HACE1: variants seen among roughly 807,000 people sequenced by gnomAD.
HACE1 encodes the protein E3 ubiquitin-protein ligase HACE1.
A neutral mutation model predicts 118.4 loss-of-function variants in HACE1; 73 were observed. The observed-to-expected ratio is 0.62, with a 90% CI of 0.51 to 0.75. HACE1 has a LOEUF of 0.75. HACE1 is among the 30% of genes least tolerant of loss of function. The pLI is 0.00. For missense variants in HACE1, 749 were observed against 1,102.2 expected (o/e 0.68, Z 4.54); for synonymous variants, 368 against 374.8 (o/e 0.98, Z 0.21).
chr6:104,817,784 T>G (rs1772274819), intron 6 of HACE1, among the ~76,000 whole-genome samples: 2 of 152,218 alleles, frequency 1.3e-5, no homozygotes, highest in African/African-American at 4.8e-5. Flanking sequence ...TACAGTTCAC[T>G]ACTTGACTGA....
At chr6:104,755,290 G>C (rs7768196) in intron 19 of HACE1, among the ~76,000 whole-genome samples, 26,563 of 152,088 alleles carry the variant, frequency 0.17, 2,483 homozygotes, top group African/African-American at 0.25. Context: ...CAAGTGCTTA[G>C]AGAACTGCAA....
At chr6:104,793,857 TA>T (rs1783332104) in intron 10 of HACE1, among the ~76,000 whole-genome samples, 1 of 152,212 alleles carries the variant, frequency 6.6e-6, no homozygotes, top group African/African-American at 2.4e-5. Context: ...AACAATGAGA[TA>T]TTTACAGGCC....
At chr6:104,806,590 C>T (rs1408646360) in intron 7 of HACE1, among the ~76,000 whole-genome samples, 2 of 152,126 alleles carry the variant, frequency 1.3e-5, no homozygotes, top group Non-Finnish European at 2.9e-5. Flanking sequence ...TCAATTACAA[C>T]GATCCTCTTT....
At chr6:104,851,458 C>A (rs997990518) in intron 2 of HACE1, among the ~76,000 whole-genome samples, 1 of 152,232 alleles carries the variant, frequency 6.6e-6, no homozygotes, top group African/African-American at 2.4e-5. Context: ...GTATGTTAGC[C>A]AGCTCAGTAT....
At chr6:104,803,904 G>A (rs1339228548) in intron 7 of HACE1, among the ~76,000 whole-genome samples, 1 of 152,124 alleles carries the variant, frequency 6.6e-6, no homozygotes, top group Non-Finnish European at 1.5e-5. Context: ...TATTCAATTA[G>A]GAAAAGAGGA....
intron 7 of HACE1, among the ~76,000 whole-genome samples, chr6:104,809,888 T>TA (rs749444888): frequency 5.9e-5 from 9 of 151,472 alleles, no homozygotes; most frequent in Non-Finnish European, 1.3e-4. Flanking sequence ...GAGAGAGAAA[T>TA]AAAAAATAAC....
In HACE1 at chr6:104,791,563, T is replaced by C; in HGVS notation, c.1015A>G (p.Ser339Gly). Residue 339 changes from serine to glycine, a missense_variant, in exon 11 of 24, where the codon AGT (serine) becomes GGT (glycine). Around this residue, in one of 5 missense-constraint regions of HACE1, gnomAD observed 267 missense variants for 312.2 expected, o/e 0.86. Transcript: ENST00000262903. ...TTGTAGCCCATATCAATTCCATTACTGGGGGAGGATGGACCAATTCGAAAG... is the reference window on the plus strand; with the variant it reads ...TTGTAGCCCATATCAATTCCATTACCGGGGGAGGATGGACCAATTCGAAAG... ...HVFRIGPSSP[S>G]NGIDMGYNGN... is the part of the protein sequence containing the mutation. The C allele has an allele frequency of 6.2e-7, 1 of 1,611,984 alleles. No homozygotes were observed. Among genetic ancestry groups the C allele is most frequent in the Middle Eastern group, 1.7e-4 (1 of 6,056 alleles).
chr6:104,795,660 G>C lies in HACE1; in HGVS notation c.842C>G (p.Ser281Cys), dbSNP rs2114866640. 1 of 1,612,066 alleles carries C rather than the reference G, an allele frequency of 6.2e-7. No individual in the cohort carries two copies. Among genetic ancestry groups the C allele is most frequent in the Non-Finnish European group, 8.5e-7 (1 of 1,178,340 alleles). Residue 281 changes from serine to cysteine, a missense_variant, in exon 10 of 24, where the codon TCT (serine) becomes TGT (cysteine). Physicochemically the swap from Ser to Cys is moderately radical, Grantham distance 112. Coordinates refer to ENST00000262903, the MANE Select transcript of HACE1 (RefSeq NM_020771.4). Reference sequence around the variant, plus strand: ...TAGGTACTGGCTTTCACTTTGCTGAGACAAATGCTCCAGAACTTGCCGTAA... The same window carrying C: ...TAGGTACTGGCTTTCACTTTGCTGACACAAATGCTCCAGAACTTGCCGTAA... ...NMLRQVLEHL[S>C]QQSESQYLKI...
chr6:104,810,827 T>G (rs192041169), intron 7 of HACE1, among the ~76,000 whole-genome samples: 104 of 151,974 alleles, frequency 6.8e-4, no homozygotes, highest in African/African-American at 2.5e-3. Flanking sequence ...GACTCAAGAT[T>G]TTTTTTTGGT....
At chr6:104,831,981 A>AAGAGAAGAGAAGAGAAGAG (rs1562471134) in intron 6 of HACE1, among the ~76,000 whole-genome samples, 2 of 44,276 alleles carry the variant, frequency 4.5e-5, no homozygotes, top group African/African-American at 1.1e-4. Context: ...AAGAGAAGAG[A>AAGAGAAGAGAAGAGAAGAG]GGAAGGAAGG....
At chr6:104,783,099 C>T (rs757215689) in intron 14 of HACE1, among the ~76,000 whole-genome samples, 2 of 152,178 alleles carry the variant, frequency 1.3e-5, no homozygotes, top group African/African-American at 2.4e-5. Flanking sequence ...ATTTCTGCTG[C>T]AATACTGCAG....
intron 14 of HACE1, among the ~76,000 whole-genome samples, chr6:104,781,337 C>G (rs1467831895): frequency 6.6e-6 from 1 of 152,110 alleles, no homozygotes; most frequent in Non-Finnish European, 1.5e-5. Flanking sequence ...AGTCTTTGAA[C>G]ACTTCCTTAC....
intron 6 of HACE1, among the ~76,000 whole-genome samples, chr6:104,825,568 T>C (rs1314256273): frequency 6.6e-6 from 1 of 152,186 alleles, no homozygotes; most frequent in Non-Finnish European, 1.5e-5. Context: ...GATTAGTTGC[T>C]TCCCACAACC....
intron 11 of HACE1, chr6:104,786,642 A>T (rs1336911062): frequency 6.6e-6 from 1 of 151,848 alleles, no homozygotes; most frequent in Non-Finnish European, 1.5e-5. Flanking sequence ...ACAAAAAAAA[A>T]AACCTGCTAG....
Position 104,756,801 on chromosome 6 carries a change from C to T in HACE1, c.2212-6329G>A, listed in dbSNP as rs983193086. 1.1e-4 allele frequency among the ~76,000 whole-genome samples: 16 copies of T among 152,320 alleles called. No individual in the cohort carries two copies. In the East Asian group the frequency reaches 1.2e-3, roughly 11 times the overall value. On this transcript the variant is annotated intron_variant, in intron 19 of 23. Coordinates refer to ENST00000262903, the MANE Select transcript of HACE1 (RefSeq NM_020771.4). The stretch of plus-strand genomic sequence containing the variant: ...TTTCCCCTTCCTAGCCAAGGGAAGC[C>T]GTGACTGACTGTCCCTGGAGGAATG...
chr6:104,748,871 T>A (rs1432900942), intron 20 of HACE1, among the ~76,000 whole-genome samples: 1 of 152,172 alleles, frequency 6.6e-6, no homozygotes, highest in African/African-American at 2.4e-5. Flanking sequence ...AGGAGAATGG[T>A]TACCCTTAAG....
chr6:104,822,955 A>T (rs1772936794), intron 6 of HACE1, among the ~76,000 whole-genome samples: 2 of 152,156 alleles, frequency 1.3e-5, no homozygotes, highest in Admixed American at 1.3e-4. Context: ...AGACTAACAT[A>T]CTCCTCTACT....
chr6:104,781,030 C>T (rs1435122269), intron 14 of HACE1, among the ~76,000 whole-genome samples: 1 of 152,124 alleles, frequency 6.6e-6, no homozygotes, highest in African/African-American at 2.4e-5. Flanking sequence ...CCATGATGTC[C>T]TCAGAGCATC....
rs1275068323 is a variant in HACE1, at chr6:104,813,762, T to C, written c.535-2369A>G. The stretch of plus-strand genomic sequence containing the variant: ...CCATTACACATGAATGAACAGACAA[T>C]ATTAAAAATACAACTGAAGCAGGCC... On this transcript the variant is annotated intron_variant, in intron 6 of 23. Coordinates refer to ENST00000262903, the MANE Select transcript of HACE1 (RefSeq NM_020771.4). Among the ~76,000 whole-genome samples, 5 of 137,506 alleles carry C rather than the reference T, an allele frequency of 3.6e-5. 1 individual carries two copies. Among genetic ancestry groups the C allele is most frequent in the Non-Finnish European group, 7.8e-5 (5 of 64,200 alleles). 90.2% of individuals were successfully genotyped at this position (137,506 alleles called of 152,430 possible).
Sources: gnomAD v4.1 joint callset for allele counts (sites outside exome capture counted in the v4.1 genomes callset) on GRCh38, gnomAD v4.1.1 for gene constraint, gnomAD v4.1.1 regional missense constraint, MANE v1.5 for transcripts, NCBI Gene and HGNC (gene_info 2026-07-23, HGNC 2026-07-21) for gene names.